Variants in FHIP1A observed in about 807,000 individuals in gnomAD.
FHIP1A encodes the protein FHF complex subunit HOOK interacting protein 1A.
FHIP1A carries 61 observed loss-of-function variants against 88.6 expected under a neutral mutation model. That is an observed-to-expected ratio of 0.69 (90% confidence interval 0.56 to 0.85). The LOEUF is 0.85. Among genes scored for constraint, FHIP1A ranks in the 40% least tolerant of loss-of-function variants. The probability of loss-of-function intolerance (pLI) is 0.00; values close to 1 mark genes in which losing one functional copy is unlikely to be tolerated. For synonymous variants in FHIP1A, 478 were observed against 496.0 expected, an observed-to-expected ratio of 0.96 and a Z score of 0.48; for missense variants, 1,154 against 1,273.5, an observed-to-expected ratio of 0.91 and a Z score of 1.43.
chr4:151,577,366 G>T, intron 4 of FHIP1A, 84 bp from the exon 5 acceptor site: 1 of 1,357,838 alleles, frequency 7.4e-7, no homozygotes, highest in Non-Finnish European at 9.9e-7. Context: ...CATTTTTGGT[G>T]ACAATTTGGT....
chr4:151,517,384 T>C (rs1163766612), intron 3 of FHIP1A, among the ~76,000 whole-genome samples: 4 of 152,092 alleles, frequency 2.6e-5, no homozygotes, highest in Non-Finnish European at 4.4e-5. Context: ...CACACCAGCA[T>C]GGCACATGTA....
intron 3 of FHIP1A, among the ~76,000 whole-genome samples, chr4:151,539,229 A>G (rs1477383153): frequency 6.6e-6 from 1 of 152,172 alleles, no homozygotes; most frequent in Non-Finnish European, 1.5e-5. Flanking sequence ...ACCATGATTA[A>G]AGTTACTGTT....
intron 1 of FHIP1A, among the ~76,000 whole-genome samples, chr4:151,410,254 TCAG>T (rs1732564212): frequency 1.3e-5 from 2 of 152,226 alleles, no homozygotes; most frequent in Non-Finnish European, 2.9e-5. Context: ...CTTCCACTAT[TCAG>T]CAGATGCTGC....
intron 3 of FHIP1A, among the ~76,000 whole-genome samples, chr4:151,507,763 G>A (rs1037160044): frequency 3.3e-5 from 5 of 152,122 alleles, no homozygotes; most frequent in South Asian, 2.1e-4. Context: ...GTTTAAACAC[G>A]TTGAGAACCA....
chr4:151,424,795 T>G (rs1445993136), intron 1 of FHIP1A, among the ~76,000 whole-genome samples: 1 of 135,624 alleles, frequency 7.4e-6, no homozygotes, highest in East Asian at 2.1e-4. Flanking sequence ...AGCATTTGTC[T>G]TATCTTTCCT....
intron 2 of FHIP1A, among the ~76,000 whole-genome samples, chr4:151,471,950 A>G (rs993259596): frequency 3.9e-5 from 6 of 152,174 alleles, no homozygotes; most frequent in African/African-American, 1.4e-4. Flanking sequence ...CCATTCATTC[A>G]TTCCTTTTTA....
intron 3 of FHIP1A, among the ~76,000 whole-genome samples, chr4:151,526,441 C>G (rs1178449513): frequency 1.4e-5 from 2 of 146,370 alleles, no homozygotes; most frequent in African/African-American, 2.6e-5. Flanking sequence ...GGGGGGCTGA[C>G]CCCCCCACCT....
rs776662410 is a variant in FHIP1A at position 151,411,206 on chromosome 4, T to G, written c.-356+1741T>G. 1.1e-4 allele frequency among the ~76,000 whole-genome samples: 16 copies of G among 152,326 alleles called. No individual in the cohort carries two copies. The South Asian group carries it at 3.3e-3, about 32-fold the overall frequency. ...CTCCCAAGATTGGTTCAAAATACTT[T>G]CTCTGCTAAGTTCTTTCTTTAATAG... is the stretch of plus-strand genomic sequence containing the variant. On this transcript the variant is annotated intron_variant, in intron 1 of 13. Transcript: ENST00000435205.
At chr4:151,486,343 A>G (rs1047327417) in intron 3 of FHIP1A, among the ~76,000 whole-genome samples, 2 of 152,170 alleles carry the variant, frequency 1.3e-5, no homozygotes, top group Non-Finnish European at 2.9e-5. Context: ...CGGGTTCTCA[A>G]ACTGTGTGCA....
At chr4:151,538,656 A>G (rs1007925161) in intron 3 of FHIP1A, among the ~76,000 whole-genome samples, 1 of 152,232 alleles carries the variant, frequency 6.6e-6, no homozygotes, top group African/African-American at 2.4e-5. Context: ...CCTCCTCTCT[A>G]AGAACACTTC....
chr4:151,513,166 G>T (rs1441631569), intron 3 of FHIP1A, among the ~76,000 whole-genome samples: 2 of 152,124 alleles, frequency 1.3e-5, no homozygotes, highest in Non-Finnish European at 2.9e-5. Context: ...TTAAAGAAAA[G>T]AATTTTCAAC....
intron 9 of FHIP1A, among the ~76,000 whole-genome samples, chr4:151,641,708 A>C (rs2126896178): frequency 6.6e-6 from 1 of 152,352 alleles, no homozygotes; most frequent in East Asian, 1.9e-4. Context: ...TTTTAAACTA[A>C]TGAAAATAAT....
In FHIP1A at chr4:151,566,376, A is replaced by G; in HGVS notation, c.105+12A>G. The G allele has an allele frequency of 6.6e-7, 1 of 1,514,146 alleles. No individual in the cohort carries two copies. The highest frequency in any genetic ancestry group is 1.2e-5 in the South Asian group (1 of 83,234). The allele number at this position is 1,514,146 out of a possible 1,614,324, so 93.8% of individuals were successfully genotyped here. ...ACCACTGGGCACAGGTAATGTATGAATTCCACTTTTTTTGCTGGTCTCAGT... is the reference window on the plus strand; with the variant it reads ...ACCACTGGGCACAGGTAATGTATGAGTTCCACTTTTTTTGCTGGTCTCAGT... On this transcript the variant is annotated intron_variant, in intron 4 of 13. Coordinates refer to ENST00000435205, the MANE Select transcript of FHIP1A (RefSeq NM_001109977.3).
chr4:151,415,906 G>A (rs919899287), intron 1 of FHIP1A, among the ~76,000 whole-genome samples: 3 of 150,620 alleles, frequency 2.0e-5, no homozygotes, highest in African/African-American at 7.3e-5. Flanking sequence ...CTCTGCAGCT[G>A]TTGGTTGAGC....
chr4:151,476,584 C>G (rs1729716499), intron 2 of FHIP1A, among the ~76,000 whole-genome samples: 1 of 152,026 alleles, frequency 6.6e-6, no homozygotes, highest in South Asian at 2.1e-4. Flanking sequence ...ACATCAGAAC[C>G]CAAAATAAGA....
At chr4:151,535,743 G>A (rs1033782036) in intron 3 of FHIP1A, among the ~76,000 whole-genome samples, 3 of 152,196 alleles carry the variant, frequency 2.0e-5, no homozygotes, top group Non-Finnish European at 4.4e-5. Context: ...CCTGTAGAAG[G>A]AATTGAATAA....
intron 9 of FHIP1A, among the ~76,000 whole-genome samples, chr4:151,643,173 A>G (rs1736657209): frequency 6.6e-6 from 1 of 152,110 alleles, no homozygotes; most frequent in Admixed American, 6.5e-5. Flanking sequence ...AAATGTGGGG[A>G]TATTCTGGCA....
chr4:151,515,339 C>G (rs910864804), intron 3 of FHIP1A, among the ~76,000 whole-genome samples: 7 of 151,480 alleles, frequency 4.6e-5, no homozygotes, highest in Non-Finnish European at 7.4e-5. Flanking sequence ...AAACCCACAG[C>G]CAATATCATA....
At chr4:151,489,370 G>A (rs1452404750) in intron 3 of FHIP1A, among the ~76,000 whole-genome samples, 1 of 152,168 alleles carries the variant, frequency 6.6e-6, no homozygotes, top group Non-Finnish European at 1.5e-5. Flanking sequence ...CAGCAGAATT[G>A]GGGAGGGGCC....
Sources: allele counts gnomAD v4.1 joint callset (sites outside exome capture counted in the v4.1 genomes callset), GRCh38; gene constraint gnomAD v4.1.1; transcripts MANE v1.5; gene names NCBI Gene and HGNC (gene_info 2026-07-23, HGNC 2026-07-21).